Variants in LSM7 observed in about 807,000 individuals in gnomAD.
LSM7 encodes the protein U6 snRNA-associated Sm-like protein LSm7.
A neutral mutation model predicts 14.1 loss-of-function variants in LSM7; 13 were observed. That is an observed-to-expected ratio of 0.92 (90% CI 0.60 to 1.47). LSM7 has a LOEUF of 1.47. Among genes scored for constraint, LSM7 ranks in the 40% most tolerant of loss-of-function variants. LSM7 has a pLI of 0.00. For missense variants in LSM7, 108 were observed against 140.8 expected (o/e 0.77, Z 1.18); for synonymous variants, 70 against 57.1 (o/e 1.23, Z -1.02).
Position 2,324,151 on chromosome 19 carries a change from A to G in LSM7, c.143T>C (p.Leu48Pro). Reference sequence around the variant, plus strand: ...TCGCATGTACTCAATGGTGCCGTCCAGCACAAGGTTGAGGAGTGGGTCGAA... The same window carrying G: ...TCGCATGTACTCAATGGTGCCGTCCGGCACAAGGTTGAGGAGTGGGTCGAA... The part of the protein sequence containing the change: ...KGFDPLLNLV[L>P]DGTIEYMRDP... Residue 48 changes from leucine (L) to proline (P), a missense_variant, in exon 3 of 4, where the codon CTG (leucine) becomes CCG (proline). Transcript: ENST00000252622. The G allele has an allele frequency of 6.4e-7, 1 of 1,560,450 alleles. No individual in the cohort carries two copies. The highest frequency in any genetic ancestry group is 8.7e-7 in the Non-Finnish European group (1 of 1,152,298).
intron 2 of LSM7, among the ~76,000 whole-genome samples, chr19:2,325,517 C>CG (rs1968001011): frequency 6.6e-6 from 1 of 151,966 alleles, no homozygotes; most frequent in African/African-American, 2.4e-5. Flanking sequence ...CAGGCACCAC[C>CG]AATCTCGGGA....
chr19:2,327,100 A>C (rs1968039920), intron 2 of LSM7, among the ~76,000 whole-genome samples: 1 of 152,198 alleles, frequency 6.6e-6, no homozygotes, highest in Admixed American at 6.5e-5. Flanking sequence ...AGATCCTGTG[A>C]GATAATAAAA....
At chr19:2,324,017 G>T (rs1967976002) in intron 3 of LSM7, 108 bp downstream of exon 3, 2 of 908,810 alleles carry the variant, frequency 2.2e-6, no homozygotes, top group South Asian at 3.1e-5. Context: ...AGCCAGCAGG[G>T]AGCCCCACGG....
At chr19:2,323,843 G>C (rs921879642) in intron 3 of LSM7, among the ~76,000 whole-genome samples, 1 of 151,878 alleles carries the variant, frequency 6.6e-6, no homozygotes, top group African/African-American at 2.4e-5. Context: ...AGTGTGTAGA[G>C]ACCAGTGGGT....
chr19:2,321,903 G>A lies in LSM7; in HGVS notation c.170-81C>T, dbSNP rs1207806884. The A allele has an allele frequency of 3.2e-6, 4 of 1,253,642 alleles. No homozygotes were observed. Among genetic ancestry groups the A allele is most frequent in the Non-Finnish European group, 4.1e-6 (4 of 977,210 alleles). The allele number at this position is 1,253,642 out of a possible 1,614,324, so 77.7% of individuals were successfully genotyped here. ...CCCACCCACCCAAGACCCTCGCTCC[G>A]ACCTCCCCACCTGCACCCTGCAGGC... On this transcript the variant is annotated intron_variant, in intron 3 of 3. Transcript: ENST00000252622. The surrounding 1 kb of genome is among the most constrained non-coding windows in gnomAD (Gnocchi z 5.0).
At chr19:2,323,514 C>A (rs917985459) in intron 3 of LSM7, among the ~76,000 whole-genome samples, 1 of 152,084 alleles carries the variant, frequency 6.6e-6, no homozygotes, top group African/African-American at 2.4e-5. Context: ...GCAGTTGCAC[C>A]ATCTCGGCTC....
At position 2,326,867 on chromosome 19, in the gene LSM7, C is replaced by T. The variant is rs144971330; in HGVS notation, c.97+1520G>A. Among the ~76,000 whole-genome samples, 475 of 152,306 alleles carry T rather than the reference C, an allele frequency of 3.1e-3. 3 individuals are homozygous for T. Among genetic ancestry groups the T allele is most frequent in the African/African-American group, 0.011 (449 of 41,538 alleles). On this transcript the variant is annotated intron_variant, in intron 2 of 3. Coordinates refer to ENST00000252622, the MANE Select transcript of LSM7 (RefSeq NM_016199.3). Reference sequence around the variant, plus strand: ...GCAGCACTGTAGGGGCAGACCACCACGGTGGAACAGAGTCCCGAGCTGGCA... The same window carrying T: ...GCAGCACTGTAGGGGCAGACCACCATGGTGGAACAGAGTCCCGAGCTGGCA...
intron 2 of LSM7, among the ~76,000 whole-genome samples, chr19:2,326,933 G>T (rs1373409903): frequency 6.6e-6 from 1 of 152,236 alleles, no homozygotes; most frequent in Non-Finnish European, 1.5e-5. Flanking sequence ...ACACTGGCCA[G>T]AACGGGGACC....
rs1967933947 is a variant in LSM7 at position 2,321,593 on chromosome 19, G to A, written c.*87C>T. 1 of 1,250,964 alleles carries A rather than the reference G, an allele frequency of 8.0e-7. No homozygotes were observed. Among genetic ancestry groups the A allele is most frequent in the Non-Finnish European group, 1.0e-6 (1 of 981,044 alleles). 77.5% of individuals were successfully genotyped at this position (1,250,964 alleles called of 1,614,324 possible). On this transcript the variant is annotated 3_prime_UTR_variant, in exon 4 of 4. Transcript: ENST00000252622. The surrounding 1 kb of genome is among the most constrained non-coding windows in gnomAD (Gnocchi z 5.0). ...AAAGGAAAATGCTTCCGTTCCAGGA[G>A]GCGGTACTGCGGTGGGAGCAGCAGC... is the stretch of plus-strand genomic sequence containing the variant.
rs1968096857 is a variant in LSM7 at position 2,328,568 on chromosome 19, T to A, written c.-2A>T. The A allele has an allele frequency of 6.3e-7, 1 of 1,585,288 alleles. No homozygotes were observed. Among genetic ancestry groups the A allele is most frequent in the Non-Finnish European group, 8.6e-7 (1 of 1,167,552 alleles). ...ATTCCGCCGCGCGCTCACCGCCATCTTGTCGCGCCGTGTGGCTCTTCGCAG... is the reference window on the plus strand; with the variant it reads ...ATTCCGCCGCGCGCTCACCGCCATCATGTCGCGCCGTGTGGCTCTTCGCAG... On this transcript the variant is annotated 5_prime_UTR_variant, in exon 1 of 4. It adds an upstream start codon to the 5' untranslated region. Coordinates refer to ENST00000252622, the MANE Select transcript of LSM7 (RefSeq NM_016199.3).
intron 2 of LSM7, chr19:2,324,546 T>C: frequency 3.5e-6 from 1 of 286,476 alleles, no homozygotes; most frequent in East Asian, 6.4e-5. Context: ...CACTGAACTG[T>C]GAATTTCATG....
chr19:2,321,707 G>A lies in LSM7; in HGVS notation c.285C>T (p.Asn95=). The change falls in exon 4 of 4, where the codon AAC becomes AAT. Residue 95 remains asparagine (N), a synonymous_variant. Transcript: ENST00000252622. The surrounding 1 kb of genome is among the most constrained non-coding windows in gnomAD (Gnocchi z 5.0). ...AGGCGTCCTGCTGCTGGATGAAGGGGTTGGGGATGGCCTCCATGCCGTCCT... is the reference window on the plus strand; with the variant it reads ...AGGCGTCCTGCTGCTGGATGAAGGGATTGGGGATGGCCTCCATGCCGTCCT... ...CPQDGMEAIP[N]PFIQQQDA 1.9e-6 allele frequency: 3 copies of A among 1,564,672 alleles called. No homozygotes were observed. The highest frequency in any genetic ancestry group is 2.6e-6 in the Non-Finnish European group (3 of 1,156,560).
chr19:2,322,288 C>T (rs896175686), intron 3 of LSM7, among the ~76,000 whole-genome samples: 6 of 152,308 alleles, frequency 3.9e-5, no homozygotes, highest in African/African-American at 1.2e-4. Flanking sequence ...GCCTGTAATC[C>T]CAGCACTTTG....
intron 2 of LSM7, among the ~76,000 whole-genome samples, chr19:2,326,708 T>C (rs1486317839): frequency 6.6e-6 from 1 of 152,196 alleles, no homozygotes; most frequent in East Asian, 1.9e-4. Context: ...TGACCTCAGG[T>C]GATCCACCTG....
intron 3 of LSM7, among the ~76,000 whole-genome samples, chr19:2,322,528 G>A (rs1002121309): frequency 1.3e-5 from 2 of 152,086 alleles, no homozygotes; most frequent in African/African-American, 2.4e-5. Flanking sequence ...GTGACAGAGC[G>A]AGATTCCATC....
intron 3 of LSM7, among the ~76,000 whole-genome samples, chr19:2,323,298 A>G (rs1209239465): frequency 6.6e-6 from 1 of 152,100 alleles, no homozygotes; most frequent in South Asian, 2.1e-4. Context: ...GCCCGAGAGG[A>G]GCCCCACGGC....
chr19:2,323,267 C>G (rs1967961662), intron 3 of LSM7, among the ~76,000 whole-genome samples: 1 of 152,158 alleles, frequency 6.6e-6, no homozygotes, highest in South Asian at 2.1e-4. Flanking sequence ...CGGGAATTAA[C>G]AAGGGCAGAA....
intron 2 of LSM7, chr19:2,324,509 C>T: frequency 4.7e-6 from 2 of 423,010 alleles, no homozygotes; most frequent in Non-Finnish European, 8.8e-6. Context: ...TGTGGCTGAA[C>T]TGCGGCCGGT....
Position 2,324,212 on chromosome 19 carries a change from G to C in LSM7, c.98-16C>G. 6.4e-7 allele frequency: 1 copy of C among 1,563,186 alleles called. No individual in the cohort carries two copies. The highest frequency in any genetic ancestry group is 1.4e-5 in the African/African-American group (1 of 73,636). On this transcript the variant is annotated splice_polypyrimidine_tract_variant and intron_variant, in intron 2 of 3. Transcript: ENST00000252622. ...ATTCCACTGGCTTGGAGAAATCACC[G>C]GGGGAGAGAAAAGAGAAGGCATGAG...
Sources: allele counts gnomAD v4.1 joint callset (sites outside exome capture counted in the v4.1 genomes callset), GRCh38; gene constraint gnomAD v4.1.1; non-coding constraint Gnocchi (gnomAD v3.1); transcripts MANE v1.5; gene names NCBI Gene and HGNC (gene_info 2026-07-23, HGNC 2026-07-21).